Variants in MANBAL observed in about 807,000 individuals in gnomAD.
The protein encoded by MANBAL is mannosidase beta like.
In MANBAL, 1 loss-of-function variant was observed where a neutral mutation model predicts 6.4. The ratio of observed to expected loss-of-function variants is 0.16; its 90% CI spans 0.06 to 0.74. The LOEUF is 0.74. MANBAL is among the 30% of genes least tolerant of loss of function. MANBAL has a pLI of 0.78. For synonymous variants in MANBAL, 47 were observed against 45.8 expected, an observed-to-expected ratio of 1.03 and a Z score of -0.10; for missense variants, 100 against 107.8, an observed-to-expected ratio of 0.93 and a Z score of 0.32.
At chr20:37,305,890 A>G (rs531999169) in intron 2 of MANBAL, among the ~76,000 whole-genome samples, 2 of 152,272 alleles carry the variant, frequency 1.3e-5, no homozygotes, top group East Asian at 3.9e-4. Flanking sequence ...TTCTGTGCAT[A>G]AACAGGATTA....
At position 37,316,419 on chromosome 20, in the gene MANBAL, A is replaced by G; in HGVS notation, c.*4A>G. 6.2e-7 allele frequency: 1 copy of G among 1,610,896 alleles called. No homozygotes were observed. Among genetic ancestry groups the G allele is most frequent in the Non-Finnish European group, 8.5e-7 (1 of 1,178,220 alleles). On this transcript the variant is annotated 3_prime_UTR_variant, in exon 3 of 3. Coordinates refer to ENST00000373606, the MANE Select transcript of MANBAL (RefSeq NM_001003897.2). Reference sequence around the variant, plus strand: ...AGAGACTAAGAAGAAGCGGTAGAAGAGGAGGCCTGAGGAGCTGGGCGGGCA... The same window carrying G: ...AGAGACTAAGAAGAAGCGGTAGAAGGGGAGGCCTGAGGAGCTGGGCGGGCA...
intron 2 of MANBAL, among the ~76,000 whole-genome samples, chr20:37,307,789 G>A (rs372749321): frequency 2.0e-5 from 3 of 151,906 alleles, no homozygotes; most frequent in Non-Finnish European, 2.9e-5. Context: ...AACAAATACA[G>A]CATTATTACT....
chr20:37,292,125 C>A (rs192992752), intron 1 of MANBAL, among the ~76,000 whole-genome samples: 1 of 152,138 alleles, frequency 6.6e-6, no homozygotes, highest in Middle Eastern at 3.2e-3. Flanking sequence ...CTGCACTTTC[C>A]GCACTGTACT....
chr20:37,312,297 T>C (rs1350434222), intron 2 of MANBAL, among the ~76,000 whole-genome samples: 1 of 152,180 alleles, frequency 6.6e-6, no homozygotes, highest in African/African-American at 2.4e-5. Context: ...GACAGATAGG[T>C]TCTCAGAGGA....
intron 1 of MANBAL, among the ~76,000 whole-genome samples, chr20:37,291,744 T>A (rs1309772430): frequency 6.6e-6 from 1 of 152,146 alleles, no homozygotes; most frequent in Non-Finnish European, 1.5e-5. Flanking sequence ...CTCCTGATAG[T>A]GAATAAGTCT....
In MANBAL at chr20:37,316,305, C is replaced by T. The variant is rs1210915719; in HGVS notation, c.151-3C>T. On this transcript the variant is annotated splice_polypyrimidine_tract_variant and splice_region_variant and intron_variant, in intron 2 of 2. Transcript: ENST00000373606. ...CAGGACTCTCCTTTTTATCACCTCA[C>T]AGGAGGCTGAACCGTCTGAGCCCAG... 1 of 1,613,028 alleles carries T rather than the reference C, an allele frequency of 6.2e-7. No homozygotes were observed. Among genetic ancestry groups the T allele is most frequent in the Non-Finnish European group, 8.5e-7 (1 of 1,179,506 alleles).
intron 2 of MANBAL, 110 bp from the exon 3 acceptor site, chr20:37,316,198 C>G: frequency 1.0e-6 from 1 of 994,210 alleles, no homozygotes; most frequent in Non-Finnish European, 1.5e-6. Context: ...ATGACAGTTT[C>G]CATCTCTTGT....
chr20:37,313,008 A>G (rs2069422012), intron 2 of MANBAL, among the ~76,000 whole-genome samples: 1 of 152,220 alleles, frequency 6.6e-6, no homozygotes, highest in Non-Finnish European at 1.5e-5. Context: ...TCATTCATTC[A>G]TTCACTCATT....
chr20:37,302,013 C>T (rs1051518767), intron 2 of MANBAL, among the ~76,000 whole-genome samples: 1 of 152,184 alleles, frequency 6.6e-6, no homozygotes, highest in Non-Finnish European at 1.5e-5. Flanking sequence ...GAGGTGTGGG[C>T]AGGGGCCAGA....
At chr20:37,294,004 C>G (rs185020592) in intron 1 of MANBAL, among the ~76,000 whole-genome samples, 7 of 152,186 alleles carry the variant, frequency 4.6e-5, no homozygotes, top group African/African-American at 1.7e-4. Flanking sequence ...CCAAGCTGGT[C>G]GCAAACTGCC....
chr20:37,311,491 T>C (rs2069386436), intron 2 of MANBAL, among the ~76,000 whole-genome samples: 1 of 152,210 alleles, frequency 6.6e-6, no homozygotes, highest in Non-Finnish European at 1.5e-5. Context: ...TTTGTTTTTG[T>C]TTTGAGCGAA....
At chr20:37,294,153 G>A (rs1253356774) in intron 1 of MANBAL, among the ~76,000 whole-genome samples, 1 of 152,164 alleles carries the variant, frequency 6.6e-6, no homozygotes, top group Non-Finnish European at 1.5e-5. Flanking sequence ...AGATTTTTGG[G>A]TTTTGACAAA....
chr20:37,292,291 G>A (rs1418169250), intron 1 of MANBAL, among the ~76,000 whole-genome samples: 2 of 152,034 alleles, frequency 1.3e-5, no homozygotes, highest in African/African-American at 4.8e-5. Context: ...TATTTGTATC[G>A]GTGTGAACTC....
At chr20:37,290,767 T>C (rs1323785086) in intron 1 of MANBAL, among the ~76,000 whole-genome samples, 1 of 152,188 alleles carries the variant, frequency 6.6e-6, no homozygotes, top group Non-Finnish European at 1.5e-5. Context: ...CTTTTTTTTC[T>C]TTTTAATTAA....
intron 1 of MANBAL, among the ~76,000 whole-genome samples, chr20:37,299,614 G>A (rs968737364): frequency 3.9e-5 from 6 of 152,174 alleles, no homozygotes; most frequent in African/African-American, 1.2e-4. Flanking sequence ...AAGTGGGCCT[G>A]GTTCCAAAGT....
chr20:37,292,157 C>G (rs1403261052), intron 1 of MANBAL, among the ~76,000 whole-genome samples: 1 of 152,158 alleles, frequency 6.6e-6, no homozygotes, highest in Admixed American at 6.5e-5. Context: ...TCATTATGTA[C>G]AGCACACATT....
At chr20:37,308,960 G>C (rs1459513735) in intron 2 of MANBAL, among the ~76,000 whole-genome samples, 1 of 152,200 alleles carries the variant, frequency 6.6e-6, no homozygotes, top group Non-Finnish European at 1.5e-5. Flanking sequence ...CTTCTAGAAG[G>C]CAGGTCCTTT....
At chr20:37,315,178 G>A (rs558107816) in intron 2 of MANBAL, among the ~76,000 whole-genome samples, 4 of 152,316 alleles carry the variant, frequency 2.6e-5, no homozygotes, top group South Asian at 2.1e-4. Context: ...CATTGTCACC[G>A]GATGGTTAGT....
chr20:37,301,248 G>A lies in MANBAL; in HGVS notation c.-16G>A. ...GGTGAGTCAGAAGAGACGTCAGGCA[G>A]CAAGCGACTTGGGCCATGGCCTCTG... On this transcript the variant is annotated 5_prime_UTR_variant, in exon 2 of 3. Transcript: ENST00000373606. The A allele has an allele frequency of 1.9e-6, 3 of 1,577,034 alleles. No homozygotes were observed. Among genetic ancestry groups the A allele is most frequent in the East Asian group, 2.3e-5 (1 of 44,030 alleles).
Sources: gnomAD v4.1 joint callset for allele counts (sites outside exome capture counted in the v4.1 genomes callset) on GRCh38, gnomAD v4.1.1 for gene constraint, MANE v1.5 for transcripts, NCBI Gene and HGNC (gene_info 2026-07-23, HGNC 2026-07-21) for gene names.